ANKRD62: variants seen among roughly 807,000 people sequenced by gnomAD.
ANKRD62 encodes ankyrin repeat domain 62, also known as ankyrin repeat domain-containing protein 62.
In ANKRD62, 61 loss-of-function variants were observed where a neutral mutation model predicts 98.8. The observed-to-expected ratio is 0.62, with a 90% CI of 0.50 to 0.76. The LOEUF is 0.76. ANKRD62 is among the 30% of genes least tolerant of loss of function. The pLI is 0.00. For missense variants in ANKRD62, 933 were observed against 1,082.9 expected, an observed-to-expected ratio of 0.86 and a Z score of 1.94; for synonymous variants, 341 against 367.9, an observed-to-expected ratio of 0.93 and a Z score of 0.84.
At chr18:12,161,452 AT>A in the ANKRD62 span, among the ~76,000 whole-genome samples, 1 of 141,912 alleles carries the variant, frequency 7.0e-6, no homozygotes, top group African/African-American at 2.6e-5. Context: ...TACATGACAT[AT>A]TTTGGTACAG....
At chr18:12,121,184 A>G (rs1213445626) in intron 10 of ANKRD62, among the ~76,000 whole-genome samples, 1 of 152,202 alleles carries the variant, frequency 6.6e-6, no homozygotes, top group Non-Finnish European at 1.5e-5. Flanking sequence ...TTTTAAAGAA[A>G]TACCTTTCAT....
At chr18:12,158,172 AC>A in the ANKRD62 span, among the ~76,000 whole-genome samples, 1 of 152,114 alleles carries the variant, frequency 6.6e-6, no homozygotes, top group East Asian at 1.9e-4. Context: ...GGGTATAAAT[AC>A]CTCTCCTGCC....
the ANKRD62 span, among the ~76,000 whole-genome samples, chr18:12,151,361 C>T: frequency 9.8e-4 from 149 of 152,200 alleles, no homozygotes; most frequent in African/African-American, 3.1e-3. Context: ...GCTCCATTGA[C>T]GTTAGATCAC....
chr18:12,115,553 T>A lies in ANKRD62; in HGVS notation c.1240+19T>A. 2 of 1,527,452 alleles carry A rather than the reference T, an allele frequency of 1.3e-6. No individual in the cohort carries two copies. The highest frequency in any genetic ancestry group is 2.4e-5 in the South Asian group (2 of 82,614). The allele number at this position is 1,527,452 out of a possible 1,614,324, so 94.6% of individuals were successfully genotyped here. A position where few individuals can be genotyped will look rare whatever the true frequency, so the allele number is the denominator to read the frequency against. On this transcript the variant is annotated intron_variant, in intron 10 of 13. Transcript: ENST00000587848. ...TGTAAAGGTAGGACCAATGCATAAA[T>A]ATAAGGCTCTTTCCCTATCCTATAG...
chr18:12,106,892 T>C (rs966641010), intron 7 of ANKRD62, among the ~76,000 whole-genome samples: 4 of 152,184 alleles, frequency 2.6e-5, no homozygotes, highest in African/African-American at 9.7e-5. Context: ...TATCACATCC[T>C]CTAAATCTGG....
the ANKRD62 span, among the ~76,000 whole-genome samples, chr18:12,150,581 C>G: frequency 6.6e-6 from 1 of 152,138 alleles, no homozygotes. Context: ...AAAGGGAACC[C>G]CATCAGGCTA....
At chr18:12,116,092 A>G (rs1282265163) in intron 10 of ANKRD62, among the ~76,000 whole-genome samples, 1 of 152,142 alleles carries the variant, frequency 6.6e-6, no homozygotes, top group Non-Finnish European at 1.5e-5. Flanking sequence ...AGCTTCAGTG[A>G]GGTATAACTG....
chr18:12,140,854 T>G, the ANKRD62 span, among the ~76,000 whole-genome samples: 1 of 152,248 alleles, frequency 6.6e-6, no homozygotes, highest in Non-Finnish European at 1.5e-5. Context: ...AGCTGCCTGC[T>G]GGGAGAACCA....
At chr18:12,174,328 T>C in the ANKRD62 span, among the ~76,000 whole-genome samples, 1 of 152,278 alleles carries the variant, frequency 6.6e-6, no homozygotes, top group Non-Finnish European at 1.5e-5. Context: ...ATTCTTTTAA[T>C]GTGCCTTTCA....
chr18:12,108,328 A>G (rs1909460576), intron 8 of ANKRD62, among the ~76,000 whole-genome samples: 3 of 152,218 alleles, frequency 2.0e-5, no homozygotes, highest in African/African-American at 7.2e-5. Context: ...TCATGACAGA[A>G]GGCAAAGGAG....
At chr18:12,136,810 A>G in the ANKRD62 span, among the ~76,000 whole-genome samples, 20 of 152,162 alleles carry the variant, frequency 1.3e-4, no homozygotes, top group Admixed American at 9.8e-4. Context: ...CTTTGAAGCA[A>G]TTGTGAATGG....
the ANKRD62 span, among the ~76,000 whole-genome samples, chr18:12,134,787 T>G: frequency 6.6e-6 from 1 of 152,284 alleles, no homozygotes; most frequent in East Asian, 1.9e-4. Context: ...ATGGACATTT[T>G]GGTTTGTTCC....
At chr18:12,125,396 C>T in intron 12 of ANKRD62, 64 bp from the exon 13 acceptor site, 2 of 1,348,106 alleles carry the variant, frequency 1.5e-6, no homozygotes, top group Non-Finnish European at 1.9e-6. Flanking sequence ...TATTTAGTTT[C>T]AGAAGAAATC....
the ANKRD62 span, among the ~76,000 whole-genome samples, chr18:12,172,184 G>A: frequency 2.0e-5 from 3 of 152,174 alleles, no homozygotes; most frequent in East Asian, 5.8e-4. Flanking sequence ...CCTTGCTGGC[G>A]AGGAGCTGTG....
Position 12,125,986 on chromosome 18 carries a change from A to T in ANKRD62, c.2165A>T (p.Tyr722Phe). 6.5e-7 allele frequency: 1 copy of T among 1,537,124 alleles called. No individual in the cohort carries two copies. Among genetic ancestry groups the T allele is most frequent in the Non-Finnish European group, 8.7e-7 (1 of 1,146,906 alleles). Residue 722 changes from tyrosine to phenylalanine, a missense_variant, in exon 13 of 14, where the codon TAT (tyrosine) becomes TTT (phenylalanine). This residue lies in a region of ANKRD62 where 362 missense variants were observed against 434.5 expected (regional missense o/e 0.83). Transcript: ENST00000587848. ...AGTGGCCTGGAAACTGAGCTCCATTATGAAAGAGAGGCTCTCAAAGAAAAG... is the reference window on the plus strand; with the variant it reads ...AGTGGCCTGGAAACTGAGCTCCATTTTGAAAGAGAGGCTCTCAAAGAAAAG... ...TSSGLETELHYEREALKEKTL... is the reference protein window; with the variant it reads ...TSSGLETELHFEREALKEKTL...
chr18:12,140,429 T>C, the ANKRD62 span, among the ~76,000 whole-genome samples: 1 of 152,328 alleles, frequency 6.6e-6, no homozygotes, highest in South Asian at 2.1e-4. Flanking sequence ...CACTCTGATT[T>C]TTAAAGTTTC....
rs1909108666 is a variant in ANKRD62, at chr18:12,094,042, G to A, written c.25G>A (p.Ala9Thr). MEVRGSFL[A>T]ACRRRMATWR... ...GATGGAGGTCAGGGGGTCGTTCCTG[G>A]CGGCCTGCAGGAGACGCATGGCTAC... Residue 9 changes from alanine to threonine, a missense_variant, in exon 1 of 14, where the codon GCG becomes ACG. Coordinates refer to ENST00000587848, the MANE Select transcript of ANKRD62 (RefSeq NM_001277333.2). The A allele has an allele frequency of 1.3e-6, 2 of 1,535,068 alleles. No homozygotes were observed. Among genetic ancestry groups the A allele is most frequent in the African/African-American group, 2.7e-5 (2 of 72,868 alleles).
the ANKRD62 span, among the ~76,000 whole-genome samples, chr18:12,155,098 A>T: frequency 1.3e-5 from 2 of 152,218 alleles, no homozygotes; most frequent in African/African-American, 4.8e-5. Context: ...AAACCTTCAC[A>T]TGTACCCTGG....
chr18:12,115,338 G>A, intron 9 of ANKRD62, 55 bp from the exon 10 acceptor site: 1 of 1,449,400 alleles, frequency 6.9e-7, no homozygotes, highest in Non-Finnish European at 9.2e-7. Flanking sequence ...TGTATATTTA[G>A]TATATGCTAT....
Sources: allele counts gnomAD v4.1 joint callset (sites outside exome capture counted in the v4.1 genomes callset), GRCh38; gene constraint gnomAD v4.1.1; regional missense constraint gnomAD v4.1.1; transcripts MANE v1.5; gene names NCBI Gene and HGNC (gene_info 2026-07-23, HGNC 2026-07-21).